Variants in EPB41L3 observed in about 807,000 individuals in gnomAD.
EPB41L3 encodes band 4.1-like protein 3.
Under a neutral mutation model 127.1 loss-of-function variants are expected in EPB41L3, and 57 were observed. The ratio of observed to expected loss-of-function variants is 0.45; its 90% CI spans 0.36 to 0.56. The LOEUF is 0.56. Among genes scored for constraint, EPB41L3 ranks in the 20% least tolerant of loss-of-function variants. The probability of loss-of-function intolerance (pLI) is 0.00; values close to 1 mark genes in which losing one functional copy is unlikely to be tolerated. For missense variants in EPB41L3, 1,273 were observed against 1,372.2 expected, an observed-to-expected ratio of 0.93 and a Z score of 1.14; for synonymous variants, 572 against 549.5, an observed-to-expected ratio of 1.04 and a Z score of -0.57.
rs2093826577 is a variant in EPB41L3, at chr18:5,543,926, G to A, written c.-25C>T. The A allele has an allele frequency of 2.0e-6, 2 of 984,552 alleles. No homozygotes were observed. The highest frequency in any genetic ancestry group is 4.7e-5 in the South Asian group (1 of 21,194). The allele number at this position is 984,552 out of a possible 1,614,324, so 61.0% of individuals were successfully genotyped here. A position where few individuals can be genotyped will look rare whatever the true frequency, so the allele number is the denominator to read the frequency against. On this transcript the variant is annotated 5_prime_UTR_variant, in exon 1 of 23. Coordinates refer to ENST00000341928, the MANE Select transcript of EPB41L3 (RefSeq NM_012307.5). The surrounding 1 kb of genome is among the most constrained non-coding windows in gnomAD (Gnocchi z 5.2). Reference sequence around the variant, plus strand: ...CGGAAAAGTTACCTGGGATCAGCAGGGAGCCCGGGCGCGCCGCGGCGTGGG... The same window carrying A: ...CGGAAAAGTTACCTGGGATCAGCAGAGAGCCCGGGCGCGCCGCGGCGTGGG...
intron 6 of EPB41L3, among the ~76,000 whole-genome samples, chr18:5,435,490 T>C (rs1013236094): frequency 5.3e-5 from 8 of 152,222 alleles, no homozygotes; most frequent in Non-Finnish European, 1.0e-4. Context: ...ATACTTACCA[T>C]TGTGTTATAA....
chr18:5,415,696 A>G, intron 13 of EPB41L3, 122 bp downstream of exon 13: 2 of 1,061,746 alleles, frequency 1.9e-6, no homozygotes, highest in Non-Finnish European at 2.7e-6. Context: ...ACCTCAACAT[A>G]TTGGCACAGA....
chr18:5,578,613 G>A (rs1288934277), intron 3 of EPB41L3, among the ~76,000 whole-genome samples: 1 of 152,154 alleles, frequency 6.6e-6, no homozygotes, highest in Admixed American at 6.5e-5. Context: ...GACATTTTGT[G>A]GCAGGGAAAG....
At chr18:5,604,524 G>A (rs1037166054) in intron 3 of EPB41L3, among the ~76,000 whole-genome samples, 7 of 151,994 alleles carry the variant, frequency 4.6e-5, no homozygotes, top group African/African-American at 7.3e-5. Flanking sequence ...CACAATCTTG[G>A]CTCACTGCAA....
chr18:5,574,025 G>C (rs563861128), intron 3 of EPB41L3, among the ~76,000 whole-genome samples: 6 of 150,992 alleles, frequency 4.0e-5, no homozygotes, highest in South Asian at 2.1e-4. Flanking sequence ...ATTCTCCTGC[G>C]TCAGCCTCCC....
At chr18:5,532,188 A>G (rs2093432981) in intron 1 of EPB41L3, among the ~76,000 whole-genome samples, 1 of 152,194 alleles carries the variant, frequency 6.6e-6, no homozygotes, top group South Asian at 2.1e-4. Flanking sequence ...CTACAGGAGC[A>G]TTCCACATGC....
In EPB41L3 at chr18:5,557,582, C is replaced by T. The variant is rs533711285; in HGVS notation, c.-306+54758G>A. ...TGTATTTTTAGTAGAGATGGGGTTT[C>T]GCCAGGTTGGCCAGGCTGGTCTTGA... On this transcript the variant is annotated intron_variant, in intron 3 of 21. Transcript: ENST00000545076. 5.9e-5 allele frequency among the ~76,000 whole-genome samples: 9 copies of T among 152,238 alleles called. No individual in the cohort carries two copies. In the East Asian group the frequency reaches 1.6e-3, roughly 26 times the overall value.
intron 1 of EPB41L3, among the ~76,000 whole-genome samples, chr18:5,533,721 TA>T (rs2093481781): frequency 6.6e-6 from 1 of 152,220 alleles, no homozygotes; most frequent in Admixed American, 6.5e-5. Flanking sequence ...TACTTTCACT[TA>T]GATTCTTACT....
intron 6 of EPB41L3, among the ~76,000 whole-genome samples, chr18:5,436,403 C>CTTTTTTTTTTTTT (rs34862547): frequency 7.0e-5 from 7 of 100,646 alleles, no homozygotes; most frequent in Non-Finnish European, 1.2e-4. Flanking sequence ...CATTTTCTTT[C>CTTTTTTTTTTTTT]TTTTTTTTTT....
At chr18:5,620,890 T>A (rs2094853094) in intron 1 of EPB41L3, among the ~76,000 whole-genome samples, 1 of 152,164 alleles carries the variant, frequency 6.6e-6, no homozygotes, top group Non-Finnish European at 1.5e-5. Context: ...CCTTTCCCTA[T>A]CTAATCTCTC....
chr18:5,529,356 A>G (rs1441976799), intron 1 of EPB41L3, among the ~76,000 whole-genome samples: 1 of 152,072 alleles, frequency 6.6e-6, no homozygotes, highest in Admixed American at 6.6e-5. Context: ...CCTAACCTAC[A>G]GTGGCAAAGA....
At chr18:5,415,649 A>G (rs954575704) in intron 13 of EPB41L3, among the ~76,000 whole-genome samples, 169 bp downstream of exon 13, 2 of 152,110 alleles carry the variant, frequency 1.3e-5, no homozygotes, top group Non-Finnish European at 2.9e-5. Context: ...GTTGTGCCTA[A>G]CCCTGGGGCC....
intron 3 of EPB41L3, among the ~76,000 whole-genome samples, chr18:5,474,520 T>C (rs529417798): frequency 9.2e-5 from 14 of 152,258 alleles, no homozygotes; most frequent in African/African-American, 3.1e-4. Context: ...TGACTATAAA[T>C]TCTCATGCTA....
intron 12 of EPB41L3, among the ~76,000 whole-genome samples, chr18:5,418,412 T>C (rs1013024436): frequency 2.6e-5 from 4 of 152,256 alleles, no homozygotes; most frequent in Admixed American, 6.5e-5. Flanking sequence ...ACTTCTTCAA[T>C]ACTTATACAT....
intron 9 of EPB41L3, among the ~76,000 whole-genome samples, chr18:5,425,165 C>A (rs559452018): frequency 1.3e-5 from 2 of 152,254 alleles, no homozygotes; most frequent in South Asian, 2.1e-4. Flanking sequence ...ACAATGGGTA[C>A]TACTGCTATA....
At chr18:5,532,435 T>G (rs1048980479) in intron 1 of EPB41L3, among the ~76,000 whole-genome samples, 1 of 152,016 alleles carries the variant, frequency 6.6e-6, no homozygotes, top group Admixed American at 6.6e-5. Context: ...GCTCAAAGAG[T>G]CACATTTTGG....
intron 3 of EPB41L3, among the ~76,000 whole-genome samples, chr18:5,450,119 C>CA (rs1307994461): frequency 6.6e-6 from 1 of 150,582 alleles, no homozygotes; most frequent in African/African-American, 2.5e-5. Flanking sequence ...CTGGAAAAGG[C>CA]AAAACTAAGG....
At chr18:5,623,953 A>AT (rs2094893774) in intron 1 of EPB41L3, among the ~76,000 whole-genome samples, 1 of 152,102 alleles carries the variant, frequency 6.6e-6, no homozygotes, top group African/African-American at 2.4e-5. Flanking sequence ...TTCATTTTTA[A>AT]TAAAAAAAAA....
At chr18:5,483,891 T>C (rs546208375) in intron 2 of EPB41L3, among the ~76,000 whole-genome samples, 1 of 150,836 alleles carries the variant, frequency 6.6e-6, no homozygotes, top group Non-Finnish European at 1.5e-5. Context: ...CACTCCACTC[T>C]CAGTAAGGGA....
Sources: gnomAD v4.1 joint callset for allele counts (sites outside exome capture counted in the v4.1 genomes callset) on GRCh38, gnomAD v4.1.1 for gene constraint, Gnocchi (gnomAD v3.1) non-coding constraint, MANE v1.5 for transcripts, NCBI Gene and HGNC (gene_info 2026-07-23, HGNC 2026-07-21) for gene names.